ABCA6: variants seen among roughly 807,000 people sequenced by gnomAD.
ABCA6 encodes ATP binding cassette subfamily A member 6.
ABCA6 carries 164 observed loss-of-function variants against 191.2 expected under a neutral mutation model. The ratio of observed to expected loss-of-function variants is 0.86; its 90% confidence interval spans 0.76 to 0.98. ABCA6 has a LOEUF of 0.98. Ranked by LOEUF, ABCA6 falls within the 50% of genes least tolerant of loss-of-function variation. The probability of loss-of-function intolerance (pLI) is 0.00; values close to 1 mark genes in which losing one functional copy is unlikely to be tolerated. For synonymous variants in ABCA6, 636 were observed against 647.7 expected (o/e 0.98, Z 0.27); for missense variants, 1,958 against 1,894.1 (o/e 1.03, Z -0.63).
chr17:69,113,127 C>T (rs1438285005), intron 15 of ABCA6, 95 bp downstream of exon 15: 3 of 1,417,304 alleles, frequency 2.1e-6, no homozygotes, highest in Non-Finnish European at 2.8e-6. Flanking sequence ...AGGAACATCA[C>T]CATAATGAGA....
At chr17:69,105,663 C>A in intron 19 of ABCA6, 35 bp from the exon 20 acceptor site, 1 of 1,381,550 alleles carries the variant, frequency 7.2e-7, no homozygotes, top group South Asian at 1.3e-5. Flanking sequence ...TATTAATCTC[C>A]AGGAATTTTA....
At chr17:69,087,631 T>C in intron 28 of ABCA6, 158 bp from the exon 29 acceptor site, 1 of 939,388 alleles carries the variant, frequency 1.1e-6, no homozygotes, top group South Asian at 1.6e-5. Context: ...TGCCAAGAAC[T>C]CCTGTCCCAC....
intron 2 of ABCA6, among the ~76,000 whole-genome samples, chr17:69,138,729 T>G (rs1320532858): frequency 6.6e-6 from 1 of 150,880 alleles, no homozygotes; most frequent in Non-Finnish European, 1.5e-5. Context: ...AACAGCATGG[T>G]ACTGGTACCA....
At chr17:69,139,560 C>G (rs1343465218) in intron 2 of ABCA6, among the ~76,000 whole-genome samples, 1 of 152,070 alleles carries the variant, frequency 6.6e-6, no homozygotes, top group African/African-American at 2.4e-5. Context: ...GGATCTAGAA[C>G]TAGAAATACC....
chr17:69,102,699 C>T, intron 21 of ABCA6, 136 bp downstream of exon 21: 2 of 763,410 alleles, frequency 2.6e-6, no homozygotes, highest in South Asian at 2.4e-5. Flanking sequence ...AGGTAAACTT[C>T]ACAGTTTATT....
At chr17:69,096,921 T>A in intron 23 of ABCA6, 120 bp from the exon 24 acceptor site, 1 of 832,288 alleles carries the variant, frequency 1.2e-6, no homozygotes, top group Non-Finnish European at 1.7e-6. Context: ...TCTTCTAATA[T>A]TAAAAAAAAT....
At chr17:69,112,113 A>AT in intron 16 of ABCA6, 70 bp downstream of exon 16, 10 of 1,168,550 alleles carry the variant, frequency 8.6e-6, no homozygotes, top group Non-Finnish European at 1.2e-5. Flanking sequence ...GTTCTGTTTC[A>AT]TAATTGTCCA....
At chr17:69,111,245 G>A (rs181316421) in intron 16 of ABCA6, 2 of 181,456 alleles carry the variant, frequency 1.1e-5, no homozygotes, top group East Asian at 2.8e-4. Flanking sequence ...TTAGGAAGAA[G>A]AGACTTCTTA....
At chr17:69,133,545 C>T in intron 6 of ABCA6, 96 bp downstream of exon 6, 3 of 939,626 alleles carry the variant, frequency 3.2e-6, no homozygotes, top group Non-Finnish European at 4.7e-6. Context: ...GCCAATGCAT[C>T]AAGTTTAAAC....
intron 2 of ABCA6, among the ~76,000 whole-genome samples, chr17:69,139,882 A>G (rs555708736): frequency 0.012 from 1,774 of 146,054 alleles, 14 homozygotes; most frequent in Non-Finnish European, 0.019. Flanking sequence ...TCACTCATAG[A>G]TGGCAATTGA....
At chr17:69,139,994 G>A (rs1472781865) in intron 2 of ABCA6, among the ~76,000 whole-genome samples, 1 of 151,168 alleles carries the variant, frequency 6.6e-6, no homozygotes, top group East Asian at 1.9e-4. Context: ...TATACCTAAT[G>A]CTAAATGGCG....
chr17:69,117,815 C>A, intron 11 of ABCA6, 83 bp downstream of exon 11: 1 of 1,028,088 alleles, frequency 9.7e-7, no homozygotes, highest in Non-Finnish European at 1.5e-6. Flanking sequence ...CTACATATTT[C>A]AAATTTTTTC....
chr17:69,123,606 A>T (rs1183467173), intron 9 of ABCA6, among the ~76,000 whole-genome samples, 199 bp from the exon 10 acceptor site: 1 of 152,084 alleles, frequency 6.6e-6, no homozygotes, highest in African/African-American at 2.4e-5. Flanking sequence ...AACATATTGC[A>T]AAATTAAACA....
intron 8 of ABCA6, among the ~76,000 whole-genome samples, chr17:69,125,638 C>T (rs112869917): frequency 6.4e-4 from 98 of 152,040 alleles, no homozygotes; most frequent in Middle Eastern, 3.4e-3. Context: ...CCAAAAGTGG[C>T]GAAGTGAAAT....
intron 7 of ABCA6, 47 bp from the exon 8 acceptor site, chr17:69,128,851 C>A: frequency 7.0e-7 from 1 of 1,436,452 alleles, no homozygotes; most frequent in South Asian, 1.5e-5. Context: ...ATATTTAGCT[C>A]ACTGAGAATC....
At chr17:69,118,606 C>G (rs2073580741) in intron 10 of ABCA6, among the ~76,000 whole-genome samples, 1 of 152,030 alleles carries the variant, frequency 6.6e-6, no homozygotes. Flanking sequence ...ACAACAAATA[C>G]TTTTCCATTC....
chr17:69,108,896 CTGGCAAA>C (rs2073361967), intron 17 of ABCA6: 1 of 152,210 alleles, frequency 6.6e-6, no homozygotes, highest in Admixed American at 6.5e-5. Flanking sequence ...ACCAGAGACT[CTGGCAAA>C]GTAACATATT....
chr17:69,114,935 A>G lies in ABCA6; in HGVS notation c.1609T>C (p.Ser537Pro), dbSNP rs1429261442. The part of the protein sequence containing the change: ...LNGLSVPTEG[S>P]VTIYNKNLSE... ...AGATTTTTATTATAGATGGTAACTG[A>G]TCCTAAGAATAGAAGTTAAAAATAA... The change falls in exon 13 of 39, where the codon TCA (serine) becomes CCA (proline). Residue 537 changes from serine to proline, a missense_variant and splice_region_variant. Physicochemically the swap from Ser to Pro is moderately conservative, Grantham distance 74 (BLOSUM62 -1). Coordinates refer to ENST00000284425, the MANE Select transcript of ABCA6 (RefSeq NM_080284.3). 1 of 1,599,216 alleles carries G rather than the reference A, an allele frequency of 6.3e-7. No individual in the cohort carries two copies. The highest frequency in any genetic ancestry group is 8.5e-7 in the Non-Finnish European group (1 of 1,172,060).
Position 69,083,031 on chromosome 17 carries a change from A to AAT in ABCA6, c.4476-20_4476-19dup, listed in dbSNP as rs2072680684. 6.2e-7 allele frequency: 1 copy of AAT among 1,608,458 alleles called. No individual in the cohort carries two copies. The highest frequency in any genetic ancestry group is 1.7e-5 in the Admixed American group (1 of 58,876). Reference sequence around the variant, plus strand: ...CAATGCATCTATGGGCAAGAAAGAGAATATGTTGGAAAAAATATTGCCCTT... The same window carrying AAT: ...CAATGCATCTATGGGCAAGAAAGAGAATATATGTTGGAAAAAATATTGCCCTT... On this transcript the variant is annotated intron_variant, in intron 35 of 38. Transcript: ENST00000284425.
Sources: gnomAD v4.1 joint callset for allele counts (sites outside exome capture counted in the v4.1 genomes callset) on GRCh38, gnomAD v4.1.1 for gene constraint, MANE v1.5 for transcripts, NCBI Gene and HGNC (gene_info 2026-07-23, HGNC 2026-07-21) for gene names.